Variants in AGMO observed in about 807,000 individuals in gnomAD.
AGMO encodes the protein alkylglycerol monooxygenase.
AGMO carries 75 observed loss-of-function variants against 60.2 expected under a neutral mutation model. That is an observed-to-expected ratio of 1.25 (90% CI 1.03 to 1.51). AGMO has a LOEUF of 1.51. Among genes scored for constraint, AGMO ranks in the 40% most tolerant of loss-of-function variants. The pLI is 0.00. For synonymous variants in AGMO, 261 were observed against 177.1 expected (o/e 1.47, Z -3.76); for missense variants, 763 against 525.5 (o/e 1.45, Z -4.42).
rs367598304 is a variant in AGMO, at chr7:15,435,157, T to C, written c.410-4049A>G. Among the ~76,000 whole-genome samples the C allele has an allele frequency of 7.6e-4, 116 of 152,284 alleles. 2 individuals carry two copies. The South Asian group carries it at 0.022, about 29-fold the overall frequency. Reference sequence around the variant, plus strand: ...TCAGTTGTTTCCAGTTTTTGACAGATAAAAGTTCTATCAAGTAGTTATCAT... The same window carrying C: ...TCAGTTGTTTCCAGTTTTTGACAGACAAAAGTTCTATCAAGTAGTTATCAT... On this transcript the variant is annotated intron_variant, in intron 3 of 12. Coordinates refer to ENST00000342526, the MANE Select transcript of AGMO (RefSeq NM_001004320.2).
At chr7:15,224,978 T>C (rs2128497934) in intron 12 of AGMO, among the ~76,000 whole-genome samples, 1 of 152,140 alleles carries the variant, frequency 6.6e-6, no homozygotes, top group South Asian at 2.1e-4. Flanking sequence ...AGGAATATTA[T>C]ATATAAAAAA....
intron 3 of AGMO, among the ~76,000 whole-genome samples, chr7:15,520,236 GA>G (rs1262048857): frequency 6.6e-6 from 1 of 151,812 alleles, no homozygotes; most frequent in African/African-American, 2.4e-5. Context: ...TAGACTCCCA[GA>G]AAAAAATAGT....
At chr7:15,306,577 A>AAC (rs913503374) in intron 12 of AGMO, 1 of 438,042 alleles carries the variant, frequency 2.3e-6, no homozygotes, top group African/African-American at 2.1e-5. Flanking sequence ...TGTGTAAAAA[A>AAC]AAAAAAGCAT....
the AGMO span, among the ~76,000 whole-genome samples, chr7:15,125,754 T>A: frequency 5.9e-5 from 9 of 152,138 alleles, no homozygotes; most frequent in East Asian, 1.8e-3. Flanking sequence ...GTGTTCTATC[T>A]CAAAAGGAGC....
At chr7:15,331,116 T>G (rs1371063708) in intron 12 of AGMO, among the ~76,000 whole-genome samples, 1 of 152,180 alleles carries the variant, frequency 6.6e-6, no homozygotes, top group Non-Finnish European at 1.5e-5. Context: ...AGGAGGCCAC[T>G]CCATTAATAG....
chr7:15,457,051 T>A (rs1437159244), intron 3 of AGMO, among the ~76,000 whole-genome samples: 7 of 152,184 alleles, frequency 4.6e-5, no homozygotes, highest in Non-Finnish European at 8.8e-5. Flanking sequence ...TAATAATATA[T>A]GAGGTTATCC....
At chr7:15,236,583 G>C (rs935693433) in intron 12 of AGMO, among the ~76,000 whole-genome samples, 2 of 152,020 alleles carry the variant, frequency 1.3e-5, no homozygotes, top group Admixed American at 1.3e-4. Context: ...TCAGTTATAA[G>C]GCTGAAATGT....
Position 15,394,700 on chromosome 7 carries a change from T to A in AGMO, c.610-521A>T, listed in dbSNP as rs528517194. Among the ~76,000 whole-genome samples, 6 of 152,266 alleles carry A rather than the reference T, an allele frequency of 3.9e-5. No individual in the cohort carries two copies. In the South Asian group the frequency reaches 1.0e-3, roughly 26 times the overall value. ...AGAGTGAAAACAACTGTGTTATGTT[T>A]CCCGGAGTTGTTTCACCCTGTAAAT... On this transcript the variant is annotated intron_variant, in intron 5 of 12. Coordinates refer to ENST00000342526, the MANE Select transcript of AGMO (RefSeq NM_001004320.2).
At chr7:15,547,163 A>G (rs992753883) in intron 2 of AGMO, among the ~76,000 whole-genome samples, 1 of 140,726 alleles carries the variant, frequency 7.1e-6, no homozygotes, top group African/African-American at 2.5e-5. Context: ...GTTCTTTAGC[A>G]CCTAGATTTA....
chr7:15,398,383 C>A (rs1389314393), intron 5 of AGMO, among the ~76,000 whole-genome samples: 1 of 152,044 alleles, frequency 6.6e-6, no homozygotes, highest in Non-Finnish European at 1.5e-5. Flanking sequence ...TAGTTAAAAG[C>A]CAAGTACAAC....
intron 10 of AGMO, among the ~76,000 whole-genome samples, chr7:15,378,395 T>C (rs76746963): frequency 0.16 from 25,060 of 151,970 alleles, 2,290 homozygotes; most frequent in East Asian, 0.31. Context: ...TTAATGTCTG[T>C]TTTGTCAGAA....
the AGMO span, among the ~76,000 whole-genome samples, chr7:15,152,611 C>T: frequency 0.41 from 62,172 of 151,964 alleles, 13,525 homozygotes; most frequent in East Asian, 0.7. Context: ...TTTTCATTCC[C>T]GAGTTACTTA....
intron 3 of AGMO, among the ~76,000 whole-genome samples, chr7:15,517,323 G>C (rs1212523695): frequency 6.6e-6 from 1 of 151,488 alleles, no homozygotes; most frequent in Non-Finnish European, 1.5e-5. Context: ...GGGTGTGTGT[G>C]TGTGTGTGTG....
intron 12 of AGMO, among the ~76,000 whole-genome samples, chr7:15,242,332 A>G (rs1210133324): frequency 1.3e-5 from 2 of 152,214 alleles, no homozygotes; most frequent in African/African-American, 4.8e-5. Flanking sequence ...TGGATCTTCC[A>G]GATAGTGAGA....
At position 15,460,656 on chromosome 7, in the gene AGMO, G is replaced by A. The variant is rs937676500; in HGVS notation, c.410-29548C>T. 2.0e-5 allele frequency among the ~76,000 whole-genome samples: 3 copies of A among 151,968 alleles called. No homozygotes were observed. In the South Asian group the frequency reaches 6.2e-4, roughly 32 times the overall value. On this transcript the variant is annotated intron_variant, in intron 3 of 12. Transcript: ENST00000342526. ...TTGACCTAGGTTTTATGCTAATTTA[G>A]AAATACAAATTTTAACTCACATTGA...
intron 6 of AGMO, 111 bp from the exon 7 acceptor site, chr7:15,391,016 A>G (rs1353721635): frequency 3.1e-6 from 2 of 651,690 alleles, no homozygotes; most frequent in African/African-American, 1.8e-5. Flanking sequence ...TAAACAGGGT[A>G]CAATTTCCCT....
intron 5 of AGMO, among the ~76,000 whole-genome samples, chr7:15,395,648 C>A (rs376651856): frequency 1.3e-5 from 2 of 152,046 alleles, no homozygotes; most frequent in East Asian, 3.8e-4. Flanking sequence ...TAATCAAAAT[C>A]TTGAGTTTTG....
chr7:15,142,442 T>G, the AGMO span, among the ~76,000 whole-genome samples: 1 of 152,166 alleles, frequency 6.6e-6, no homozygotes, highest in Non-Finnish European at 1.5e-5. Flanking sequence ...TTTCATGGTT[T>G]TCTAGTGATA....
intron 12 of AGMO, among the ~76,000 whole-genome samples, chr7:15,362,560 C>T (rs1447412630): frequency 6.6e-6 from 1 of 152,136 alleles, no homozygotes; most frequent in Non-Finnish European, 1.5e-5. Context: ...GAATTAAATA[C>T]TGTTTTAACA....
Sources: allele counts gnomAD v4.1 joint callset (sites outside exome capture counted in the v4.1 genomes callset), GRCh38; gene constraint gnomAD v4.1.1; transcripts MANE v1.5; gene names NCBI Gene and HGNC (gene_info 2026-07-23, HGNC 2026-07-21).